The following CETN3 variants were observed in gnomAD, a reference collection of about 807,000 sequenced individuals.
CETN3 encodes the protein centrin-3.
A neutral mutation model predicts 20.1 loss-of-function variants in CETN3; 17 were observed. The ratio of observed to expected loss-of-function variants is 0.85; its 90% CI spans 0.58 to 1.27. The LOEUF is 1.27. Ranked by LOEUF, CETN3 falls within the 50% of genes most tolerant of loss-of-function variation. CETN3 has a pLI of 0.00. For missense variants in CETN3, 169 were observed against 191.2 expected, an observed-to-expected ratio of 0.88 and a Z score of 0.69; for synonymous variants, 52 against 59.7, an observed-to-expected ratio of 0.87 and a Z score of 0.59.
chr5:90,405,408 A>G (rs1388455489), intron 3 of CETN3: 1 of 421,020 alleles, frequency 2.4e-6, no homozygotes, highest in African/African-American at 2.1e-5. Flanking sequence ...TATAAATACA[A>G]ACAACTTGGA....
chr5:90,409,615 G>A, intron 1 of CETN3, 30 bp downstream of exon 1: 1 of 1,613,678 alleles, frequency 6.2e-7, no homozygotes, highest in Non-Finnish European at 8.5e-7. Context: ...TCCGGGGTGT[G>A]GAGAGCACTG....
At chr5:90,405,600 C>G in intron 3 of CETN3, 85 bp downstream of exon 3, 1 of 869,950 alleles carries the variant, frequency 1.1e-6, no homozygotes, top group Non-Finnish European at 1.9e-6. Flanking sequence ...AATTCCATAA[C>G]CTAGAGAATT....
At chr5:90,396,841 G>A (rs921578079) in intron 4 of CETN3, among the ~76,000 whole-genome samples, 6 of 151,930 alleles carry the variant, frequency 3.9e-5, no homozygotes, top group Non-Finnish European at 8.8e-5. Flanking sequence ...TTAAAATACG[G>A]TCAGCCTTCT....
rs765846398 is a variant in CETN3 at position 90,409,732 on chromosome 5, C to T, written c.-71G>A. ...CCTACCCAAGGCAGCAAGACGCCCA[C>T]AGCCGTTCAACAGACACGAACGACC... On this transcript the variant is annotated 5_prime_UTR_variant, in exon 1 of 5. It adds an upstream start codon to the 5' untranslated region. Coordinates refer to ENST00000283122, the MANE Select transcript of CETN3 (RefSeq NM_004365.4). The T allele has an allele frequency of 4.4e-6, 7 of 1,590,898 alleles. No homozygotes were observed. Among genetic ancestry groups the T allele is most frequent in the Non-Finnish European group, 6.0e-6 (7 of 1,159,306 alleles).
chr5:90,400,499 T>C (rs943955370), intron 3 of CETN3, among the ~76,000 whole-genome samples: 1 of 151,410 alleles, frequency 6.6e-6, no homozygotes, highest in African/African-American at 2.4e-5. Context: ...AGTAATTATA[T>C]ACACTATCTG....
chr5:90,404,121 C>A (rs577970888), intron 3 of CETN3, among the ~76,000 whole-genome samples: 7 of 152,104 alleles, frequency 4.6e-5, no homozygotes, highest in Non-Finnish European at 1.0e-4. Flanking sequence ...GTAGCACTTA[C>A]AACATGCTAG....
At chr5:90,407,645 T>C (rs1331002997) in intron 2 of CETN3, 54 bp downstream of exon 2, 2 of 1,257,986 alleles carry the variant, frequency 1.6e-6, no homozygotes, top group Non-Finnish European at 1.1e-6. Flanking sequence ...AAAGCAACTG[T>C]AAAAATGCAA....
At chr5:90,398,429 C>A (rs1040988452) in intron 4 of CETN3, among the ~76,000 whole-genome samples, 1 of 152,016 alleles carries the variant, frequency 6.6e-6, no homozygotes, top group Non-Finnish European at 1.5e-5. Context: ...ATTCATAGAG[C>A]GTTATGGGAA....
intron 3 of CETN3, among the ~76,000 whole-genome samples, chr5:90,402,996 A>C (rs1337506855): frequency 2.0e-5 from 3 of 152,258 alleles, no homozygotes; most frequent in Admixed American, 6.5e-5. Context: ...TAAGTAGTAC[A>C]TGTCAAAAAT....
At chr5:90,400,516 C>T (rs746980356) in intron 3 of CETN3, among the ~76,000 whole-genome samples, 1 of 146,968 alleles carries the variant, frequency 6.8e-6, no homozygotes, top group East Asian at 2.0e-4. Context: ...TCTGCCACTA[C>T]AAGAAAAGGT....
intron 4 of CETN3, chr5:90,396,230 C>CA: frequency 1.0e-6 from 1 of 985,088 alleles, no homozygotes; most frequent in Non-Finnish European, 1.2e-6. Context: ...AATGCACCCT[C>CA]CAGAAGCTGA....
intron 4 of CETN3, chr5:90,396,626 A>G: frequency 8.8e-7 from 1 of 1,134,920 alleles, no homozygotes; most frequent in South Asian, 1.7e-5. Flanking sequence ...TCATTTTAAC[A>G]GTGTAATACA....
chr5:90,409,570 T>G (rs1442333695), intron 1 of CETN3, 75 bp downstream of exon 1: 2 of 1,569,216 alleles, frequency 1.3e-6, no homozygotes, highest in Non-Finnish European at 1.8e-6. Context: ...GCCCCAAACG[T>G]CCTCCCTTCC....
At position 90,399,566 on chromosome 5, in the gene CETN3, T is replaced by C; in HGVS notation, c.269-17A>G. ...AGTCTGTCACTACAGTTTAAAAACA[T>C]ATATATTTTAATAAACCTGCATAAT... On this transcript the variant is annotated splice_polypyrimidine_tract_variant and intron_variant, in intron 3 of 4. Coordinates refer to ENST00000283122, the MANE Select transcript of CETN3 (RefSeq NM_004365.4). The C allele has an allele frequency of 1.3e-6, 2 of 1,579,738 alleles. No individual in the cohort carries two copies. The highest frequency in any genetic ancestry group is 1.7e-4 in the Middle Eastern group (1 of 5,964).
chr5:90,409,494 G>A lies in CETN3; in HGVS notation c.17+151C>T, dbSNP rs543518176. 3.6e-6 allele frequency: 3 copies of A among 842,634 alleles called. No homozygotes were observed. In the East Asian group the frequency reaches 7.3e-5, roughly 20 times the overall value. 52.2% of individuals were successfully genotyped at this position (842,634 alleles called of 1,614,324 possible). A position where few individuals can be genotyped will look rare whatever the true frequency, so the allele number is the denominator to read the frequency against. ...CAGGGCATCAGAGCCCAGAGGGTGA[G>A]TGATCCGGGCAGGCTGCCCTAGGCT... On this transcript the variant is annotated intron_variant, in intron 1 of 4. Transcript: ENST00000283122.
rs532460638 is a variant in CETN3 at position 90,406,151 on chromosome 5, AACAGTT to A, written c.154-358_154-353del. Among the ~76,000 whole-genome samples the A allele has an allele frequency of 1.2e-4, 18 of 152,260 alleles. No homozygotes were observed. The South Asian group carries it at 3.5e-3, about 30-fold the overall frequency. On this transcript the variant is annotated intron_variant, in intron 2 of 4. Coordinates refer to ENST00000283122, the MANE Select transcript of CETN3 (RefSeq NM_004365.4). The stretch of plus-strand genomic sequence containing the variant: ...AGAAAAAGGCGTGGCATAAATATTA[AACAGTT>A]ACATGATAGAAGAGATAAAACATTA...
rs1169405897 is a variant in CETN3 at position 90,409,717 on chromosome 5, G to C, written c.-56C>G. 6.2e-7 allele frequency: 1 copy of C among 1,608,050 alleles called. No individual in the cohort carries two copies. The highest frequency in any genetic ancestry group is 8.5e-7 in the Non-Finnish European group (1 of 1,174,724). On this transcript the variant is annotated 5_prime_UTR_variant, in exon 1 of 5. Transcript: ENST00000283122. ...GAACGATTTTAACCCCCTACCCAAG[G>C]CAGCAAGACGCCCACAGCCGTTCAA...
chr5:90,408,201 CAA>C (rs1283479047), intron 1 of CETN3, among the ~76,000 whole-genome samples: 1 of 151,974 alleles, frequency 6.6e-6, no homozygotes, highest in Non-Finnish European at 1.5e-5. Context: ...CGTTATCCTA[CAA>C]GAATGTTAAA....
In CETN3 at chr5:90,405,630, T is replaced by G. The variant is rs1749417316; in HGVS notation, c.268+55A>C. 7.1e-6 allele frequency: 8 copies of G among 1,123,688 alleles called. No individual in the cohort carries two copies. In the East Asian group the frequency reaches 1.9e-4, roughly 27 times the overall value. The allele number at this position is 1,123,688 out of a possible 1,614,324, so 69.6% of individuals were successfully genotyped here. A position where few individuals can be genotyped will look rare whatever the true frequency, so the allele number is the denominator to read the frequency against. On this transcript the variant is annotated intron_variant, in intron 3 of 4. Coordinates refer to ENST00000283122, the MANE Select transcript of CETN3 (RefSeq NM_004365.4). ...AGAATTTAAAATTTAAAAAGTGATA[T>G]TAATCAGACAATTTCCTAACAGCTG...
Sources: allele counts gnomAD v4.1 joint callset (sites outside exome capture counted in the v4.1 genomes callset), GRCh38; gene constraint gnomAD v4.1.1; transcripts MANE v1.5; gene names NCBI Gene and HGNC (gene_info 2026-07-23, HGNC 2026-07-21).